The following TRPC4 variants were observed in gnomAD, a reference collection of about 807,000 sequenced individuals.
The protein encoded by TRPC4 is short transient receptor potential channel 4.
Under a neutral mutation model 99.4 loss-of-function variants are expected in TRPC4, and 49 were observed. The ratio of observed to expected loss-of-function variants is 0.49; its 90% CI spans 0.39 to 0.63. TRPC4 has a LOEUF of 0.63. Ranked by LOEUF, TRPC4 falls within the 20% of genes least tolerant of loss-of-function variation. The pLI is 0.00. For missense variants in TRPC4, 898 were observed against 1,152.9 expected, an observed-to-expected ratio of 0.78 and a Z score of 3.20; for synonymous variants, 454 against 425.9, an observed-to-expected ratio of 1.07 and a Z score of -0.81.
chr13:37,822,450 G>A (rs1593258943), intron 1 of TRPC4, among the ~76,000 whole-genome samples: 1 of 140,800 alleles, frequency 7.1e-6, no homozygotes, highest in East Asian at 2.1e-4. Context: ...TCCCCACAGT[G>A]TGATGTTCCC....
At chr13:37,756,342 A>G (rs1368375868) in intron 2 of TRPC4, among the ~76,000 whole-genome samples, 1 of 152,136 alleles carries the variant, frequency 6.6e-6, no homozygotes, top group Non-Finnish European at 1.5e-5. Flanking sequence ...TTTTAGGCTC[A>G]AACTTCTGCT....
intron 2 of TRPC4, among the ~76,000 whole-genome samples, chr13:37,752,620 T>A (rs1955966465): frequency 6.6e-6 from 1 of 151,586 alleles, no homozygotes; most frequent in Non-Finnish European, 1.5e-5. Flanking sequence ...TTTTCTTTGC[T>A]AAGTTTTCCT....
intron 1 of TRPC4, among the ~76,000 whole-genome samples, chr13:37,826,505 A>G (rs1958217398): frequency 6.8e-6 from 1 of 148,018 alleles, no homozygotes; most frequent in Admixed American, 6.8e-5. Flanking sequence ...CTTGTCTGTA[A>G]AGGATTTTAT....
chr13:37,812,195 ACC>A (rs1385839244), intron 1 of TRPC4, among the ~76,000 whole-genome samples: 3,120 of 144,276 alleles, frequency 0.022, 55 homozygotes, highest in Non-Finnish European at 0.025. Context: ...AAAAAAAAAA[ACC>A]AGGAGATCTA....
At chr13:37,863,896 T>C (rs1321367737) in intron 1 of TRPC4, among the ~76,000 whole-genome samples, 2 of 151,660 alleles carry the variant, frequency 1.3e-5, no homozygotes, top group Non-Finnish European at 3.0e-5. Context: ...AAGCACATAG[T>C]CAGCACTATT....
At chr13:37,860,323 TAAAAC>T (rs1959229282) in intron 1 of TRPC4, among the ~76,000 whole-genome samples, 1 of 151,308 alleles carries the variant, frequency 6.6e-6, no homozygotes, top group South Asian at 2.1e-4. Context: ...CATTTTAGTG[TAAAAC>T]ACTCAAACCC....
intron 3 of TRPC4, among the ~76,000 whole-genome samples, chr13:37,715,018 G>A (rs1302039630): frequency 6.6e-6 from 1 of 152,294 alleles, no homozygotes; most frequent in East Asian, 1.9e-4. Context: ...GTATGCATAT[G>A]TGTGTGCATA....
At chr13:37,699,028 C>T (rs1483430059) in intron 3 of TRPC4, among the ~76,000 whole-genome samples, 3 of 152,108 alleles carry the variant, frequency 2.0e-5, no homozygotes, top group Non-Finnish European at 2.9e-5. Context: ...GGATTAAGAG[C>T]ACATAAGCCT....
chr13:37,746,731 T>C (rs1407266343), intron 2 of TRPC4, among the ~76,000 whole-genome samples: 1 of 152,128 alleles, frequency 6.6e-6, no homozygotes, highest in African/African-American at 2.4e-5. Context: ...CTTTACTTGA[T>C]GAATGTCTTT....
chr13:37,647,909 A>G (rs551168230), intron 8 of TRPC4, among the ~76,000 whole-genome samples: 3 of 152,146 alleles, frequency 2.0e-5, no homozygotes, highest in African/African-American at 7.2e-5. Flanking sequence ...TAATACAACC[A>G]TCTTAATTTA....
intron 1 of TRPC4, among the ~76,000 whole-genome samples, chr13:37,853,650 T>C (rs1206976658): frequency 1.3e-5 from 2 of 152,074 alleles, no homozygotes; most frequent in Non-Finnish European, 2.9e-5. Context: ...AAAATAGCTG[T>C]TTTAAGGAAA....
At chr13:37,737,738 GTGT>G (rs1313001656) in intron 3 of TRPC4, among the ~76,000 whole-genome samples, 1 of 152,164 alleles carries the variant, frequency 6.6e-6, no homozygotes, top group South Asian at 2.1e-4. Flanking sequence ...GCCTCCCAAA[GTGT>G]TGTGATTTCA....
chr13:37,744,660 T>C (rs1285715249), intron 3 of TRPC4, among the ~76,000 whole-genome samples: 3 of 152,138 alleles, frequency 2.0e-5, no homozygotes, highest in African/African-American at 7.2e-5. Context: ...TATGGGATCA[T>C]TAAGGCCAAA....
At chr13:37,722,102 T>A (rs773800530) in intron 3 of TRPC4, among the ~76,000 whole-genome samples, 51 of 152,326 alleles carry the variant, frequency 3.3e-4, no homozygotes, top group South Asian at 8.3e-4. Context: ...AATGTCTATT[T>A]CACAGGTAAG....
chr13:37,651,572 T>A, intron 7 of TRPC4, 113 bp from the exon 8 acceptor site: 1 of 957,374 alleles, frequency 1.0e-6, no homozygotes, highest in Non-Finnish European at 1.6e-6. Context: ...ATTAATTAAA[T>A]TGCTTCTAAA....
intron 1 of TRPC4, among the ~76,000 whole-genome samples, chr13:37,845,885 T>A (rs1958883091): frequency 6.6e-6 from 1 of 151,998 alleles, no homozygotes; most frequent in African/African-American, 2.4e-5. Context: ...AATCAAATTA[T>A]CAAAAATCAA....
At position 37,745,469 on chromosome 13, in the gene TRPC4, TATATACACACAC is replaced by T. The variant is rs1160037531; in HGVS notation, c.897+456_897+467del. Among the ~76,000 whole-genome samples the T allele has an allele frequency of 2.2e-3, 20 of 9,014 alleles. No homozygotes were observed. In the Admixed American group the frequency reaches 0.038, roughly 17 times the overall value. 5.9% of individuals were successfully genotyped at this position (9,014 alleles called of 152,430 possible). A position where few individuals can be genotyped will look rare whatever the true frequency, so the allele number is the denominator to read the frequency against. ...ATATATATATATATATATATATATA[TATATACACACAC>T]ACACACACTTATATATACGTATATA... is the stretch of plus-strand genomic sequence containing the variant. On this transcript the variant is annotated intron_variant, in intron 3 of 10. Coordinates refer to ENST00000379705, the MANE Select transcript of TRPC4 (RefSeq NM_016179.4).
At chr13:37,661,120 T>A (rs1952421975) in intron 6 of TRPC4, among the ~76,000 whole-genome samples, 1 of 152,240 alleles carries the variant, frequency 6.6e-6, no homozygotes, top group Non-Finnish European at 1.5e-5. Context: ...CTATAGTATT[T>A]AAGATATGTA....
At chr13:37,724,284 T>C (rs377466750) in intron 3 of TRPC4, among the ~76,000 whole-genome samples, 56 of 152,282 alleles carry the variant, frequency 3.7e-4, no homozygotes, top group African/African-American at 1.3e-3. Flanking sequence ...AGGTATGTTT[T>C]GTGTGCACGT....
Sources: gnomAD v4.1 joint callset for allele counts (sites outside exome capture counted in the v4.1 genomes callset) on GRCh38, gnomAD v4.1.1 for gene constraint, MANE v1.5 for transcripts, NCBI Gene and HGNC (gene_info 2026-07-23, HGNC 2026-07-21) for gene names.